Variants in DLC1 observed in about 807,000 individuals in gnomAD.
DLC1 encodes DLC1 Rho GTPase activating protein.
DLC1 carries 54 observed loss-of-function variants against 140.3 expected under a neutral mutation model. That is an observed-to-expected ratio of 0.38 (90% CI 0.31 to 0.48). The LOEUF (loss-of-function observed/expected upper bound fraction) is 0.48, where lower values mean the gene tolerates loss of function less well. DLC1 is among the 20% of genes least tolerant of loss of function. The pLI is 0.96. For missense variants in DLC1, 2,536 were observed against 1,907.0 expected (o/e 1.33, Z -6.14); for synonymous variants, 986 against 728.1 (o/e 1.35, Z -5.70).
At chr8:13,492,143 A>C (rs559593323) in intron 2 of DLC1, among the ~76,000 whole-genome samples, 11 of 152,294 alleles carry the variant, frequency 7.2e-5, no homozygotes, top group South Asian at 6.2e-4. Flanking sequence ...AAACACCCCC[A>C]AAAAGTAAAA....
intron 5 of DLC1, among the ~76,000 whole-genome samples, chr8:13,127,413 T>C (rs565600475): frequency 6.6e-6 from 1 of 152,302 alleles, no homozygotes; most frequent in African/African-American, 2.4e-5. Context: ...TTTGCCAAGT[T>C]CTGGAACTTC....
At chr8:13,186,752 G>T (rs1371413129) in intron 5 of DLC1, among the ~76,000 whole-genome samples, 1 of 152,208 alleles carries the variant, frequency 6.6e-6, no homozygotes, top group East Asian at 1.9e-4. Flanking sequence ...AGAATTTTCA[G>T]CTTTTCTGCT....
intron 5 of DLC1, among the ~76,000 whole-genome samples, chr8:13,142,089 A>T (rs889057748): frequency 6.6e-6 from 1 of 152,200 alleles, no homozygotes; most frequent in African/African-American, 2.4e-5. Context: ...CCACACTCAT[A>T]CATACACAGT....
At chr8:13,400,416 T>C (rs1163007888) in intron 3 of DLC1, among the ~76,000 whole-genome samples, 2 of 152,214 alleles carry the variant, frequency 1.3e-5, no homozygotes, top group African/African-American at 4.8e-5. Context: ...GAAAGTCAGG[T>C]ATAATGCTGA....
intron 5 of DLC1, among the ~76,000 whole-genome samples, chr8:13,134,496 G>C (rs1822406389): frequency 6.6e-6 from 1 of 152,186 alleles, no homozygotes; most frequent in Non-Finnish European, 1.5e-5. Flanking sequence ...ACATAAAGCA[G>C]GGAGGTAATA....
intron 5 of DLC1, among the ~76,000 whole-genome samples, chr8:13,165,177 T>C (rs941906518): frequency 2.6e-5 from 4 of 152,212 alleles, no homozygotes; most frequent in African/African-American, 9.6e-5. Context: ...ATTTGATATA[T>C]AATGAAAGAA....
intron 1 of DLC1, among the ~76,000 whole-genome samples, chr8:13,561,523 G>T (rs796498065): frequency 8.8e-4 from 134 of 151,900 alleles, no homozygotes; most frequent in African/African-American, 3.0e-3. Flanking sequence ...TGCAAAACTG[G>T]GTAAAGTGAA....
chr8:13,358,999 C>T (rs539002042), intron 4 of DLC1, among the ~76,000 whole-genome samples: 7 of 152,200 alleles, frequency 4.6e-5, no homozygotes, highest in Admixed American at 1.3e-4. Flanking sequence ...AGTGCAGTGG[C>T]GCGATCTAGG....
intron 5 of DLC1, among the ~76,000 whole-genome samples, chr8:13,134,247 C>A (rs1822383441): frequency 6.6e-6 from 1 of 152,116 alleles, no homozygotes; most frequent in African/African-American, 2.4e-5. Flanking sequence ...AAATTTACTT[C>A]GGGGTTAATT....
intron 4 of DLC1, among the ~76,000 whole-genome samples, chr8:13,354,323 G>A (rs1246706599): frequency 6.6e-6 from 1 of 152,068 alleles, no homozygotes; most frequent in East Asian, 1.9e-4. Flanking sequence ...GTGACTTCTA[G>A]TTTTATTGTC....
intron 4 of DLC1, among the ~76,000 whole-genome samples, chr8:13,379,510 A>G (rs571360002): frequency 3.3e-4 from 50 of 152,224 alleles, no homozygotes; most frequent in Admixed American, 7.2e-4. Flanking sequence ...TAAGTGTCGA[A>G]TATCCCGTGT....
intron 5 of DLC1, among the ~76,000 whole-genome samples, chr8:13,252,670 T>C (rs187477085): frequency 1.3e-5 from 2 of 152,312 alleles, no homozygotes; most frequent in East Asian, 3.9e-4. Context: ...ATAATGGATA[T>C]ATAACCTGGA....
intron 4 of DLC1, among the ~76,000 whole-genome samples, chr8:13,313,361 T>A (rs544318615): frequency 6.6e-6 from 1 of 152,306 alleles, no homozygotes; most frequent in South Asian, 2.1e-4. Context: ...TAATTGTGAA[T>A]CCACGCTGAA....
intron 4 of DLC1, among the ~76,000 whole-genome samples, chr8:13,358,569 TA>T (rs934586555): frequency 1.3e-5 from 2 of 152,182 alleles, no homozygotes; most frequent in Non-Finnish European, 2.9e-5. Flanking sequence ...TTTTTTCTTT[TA>T]AAAAATATAC....
At chr8:13,182,520 G>A (rs922098769) in intron 5 of DLC1, among the ~76,000 whole-genome samples, 7 of 152,162 alleles carry the variant, frequency 4.6e-5, no homozygotes, top group African/African-American at 1.7e-4. Context: ...AAGGGATCCA[G>A]TTTCAGCTTT....
exon 1 of DLC1, chr8:13,604,556 A>G (rs1051448816): frequency 1.3e-5 from 2 of 152,340 alleles, no homozygotes; most frequent in African/African-American, 4.8e-5. Flanking sequence ...CACATGTGTT[A>G]TTCCAAAGCA....
At chr8:13,096,751 AG>A (rs1387197488) in intron 10 of DLC1, among the ~76,000 whole-genome samples, 1 of 152,204 alleles carries the variant, frequency 6.6e-6, no homozygotes, top group Non-Finnish European at 1.5e-5. Flanking sequence ...GAGGAGCTGG[AG>A]ACAAAAAGAA....
chr8:13,589,868 T>C (rs943893065), intron 1 of DLC1, among the ~76,000 whole-genome samples: 8 of 151,874 alleles, frequency 5.3e-5, no homozygotes, highest in Non-Finnish European at 7.4e-5. Context: ...TCTAAAAATA[T>C]ATGTATAAAC....
At chr8:13,337,219 A>C (rs1004153917) in intron 4 of DLC1, among the ~76,000 whole-genome samples, 1 of 152,210 alleles carries the variant, frequency 6.6e-6, no homozygotes, top group African/African-American at 2.4e-5. Flanking sequence ...TGAAAAATGT[A>C]GAATGTGGAT....
Sources: gnomAD v4.1 joint callset for allele counts (sites outside exome capture counted in the v4.1 genomes callset) on GRCh38, gnomAD v4.1.1 for gene constraint, MANE v1.5 for transcripts, NCBI Gene and HGNC (gene_info 2026-07-23, HGNC 2026-07-21) for gene names.